NREP: variants seen among roughly 807,000 people sequenced by gnomAD.
The protein encoded by NREP is neuronal regeneration related protein.
NREP carries 5 observed loss-of-function variants against 8.6 expected under a neutral mutation model. That is an observed-to-expected ratio of 0.58 (90% CI 0.30 to 1.22). NREP has a LOEUF of 1.22. NREP is among the 50% of genes most tolerant of loss of function. The pLI is 0.07. For missense variants in NREP, 86 were observed against 82.5 expected (o/e 1.04, Z -0.17); for synonymous variants, 27 against 28.0 (o/e 0.96, Z 0.11).
chr5:111,757,646 C>T (rs1471017749), upstream of NREP: 7 of 982,928 alleles, frequency 7.1e-6, no homozygotes, highest in East Asian at 4.6e-4. Context: ...GCGCCCCGGG[C>T]GCCCCGCTCG....
chr5:111,843,470 A>G (rs1288705496), intron 2 of NREP, among the ~76,000 whole-genome samples: 1 of 151,876 alleles, frequency 6.6e-6, no homozygotes, highest in Non-Finnish European at 1.5e-5. Context: ...AGTTGTCTAT[A>G]TGTGTTCTCT....
At chr5:111,931,544 A>G (rs532884164) in intron 2 of NREP, among the ~76,000 whole-genome samples, 1 of 152,278 alleles carries the variant, frequency 6.6e-6, no homozygotes, top group East Asian at 1.9e-4. Flanking sequence ...TCTGACTACA[A>G]CATCATAAGA....
intron 2 of NREP, among the ~76,000 whole-genome samples, chr5:111,833,340 C>T (rs1050700319): frequency 1.3e-5 from 2 of 152,156 alleles, no homozygotes; most frequent in African/African-American, 2.4e-5. Flanking sequence ...TCTGACTTTA[C>T]CTAAACTGAT....
intron 2 of NREP, among the ~76,000 whole-genome samples, chr5:111,869,984 A>T (rs143022744): frequency 6.6e-6 from 1 of 152,276 alleles, no homozygotes; most frequent in East Asian, 1.9e-4. Context: ...TTCAGCATAG[A>T]TAGTGTTATA....
At chr5:111,820,746 T>C (rs978601159) in intron 2 of NREP, among the ~76,000 whole-genome samples, 2 of 152,162 alleles carry the variant, frequency 1.3e-5, no homozygotes, top group African/African-American at 4.8e-5. Flanking sequence ...TTACAAAGCT[T>C]AATTTGTAGC....
At chr5:111,868,901 G>A (rs946606632) in intron 2 of NREP, among the ~76,000 whole-genome samples, 1 of 152,004 alleles carries the variant, frequency 6.6e-6, no homozygotes, top group Non-Finnish European at 1.5e-5. Context: ...CTATTCCTAA[G>A]GATTTAGCAA....
intron 2 of NREP, among the ~76,000 whole-genome samples, chr5:111,885,705 A>G (rs2112524248): frequency 6.6e-6 from 1 of 152,350 alleles, no homozygotes; most frequent in Admixed American, 6.5e-5. Flanking sequence ...AAACCTGACA[A>G]AAACAAGCAA....
At chr5:111,849,633 T>C (rs1231330113) in intron 2 of NREP, among the ~76,000 whole-genome samples, 1 of 152,138 alleles carries the variant, frequency 6.6e-6, no homozygotes. Context: ...GGGATATTTT[T>C]TGAATTATTA....
intron 2 of NREP, among the ~76,000 whole-genome samples, chr5:111,859,776 G>T (rs1364499924): frequency 1.3e-5 from 2 of 152,020 alleles, no homozygotes; most frequent in African/African-American, 4.8e-5. Context: ...AACTTTATCT[G>T]TCCAGTCTTT....
chr5:111,757,649 C>T (rs1207394678), upstream of NREP: 8 of 983,010 alleles, frequency 8.1e-6, no homozygotes, highest in East Asian at 4.6e-4. Flanking sequence ...CCCCGGGCGC[C>T]CCGCTCGCCG....
chr5:111,757,596 G>A (rs948410767), upstream of NREP: 72 of 983,780 alleles, frequency 7.3e-5, no homozygotes, highest in Non-Finnish European at 7.8e-5. Context: ...CCCCGTCGGC[G>A]AGCGGCCAAC....
chr5:111,741,832 C>CACACACAG, intron 2 of NREP, among the ~76,000 whole-genome samples: 1 of 16,036 alleles, frequency 6.2e-5, no homozygotes, highest in East Asian at 1.4e-3. Flanking sequence ...CATACACACA[C>CACACACAG]ACACACACAC....
At chr5:111,737,959 T>C (rs946252628) in intron 2 of NREP, among the ~76,000 whole-genome samples, 5 of 152,170 alleles carry the variant, frequency 3.3e-5, no homozygotes, top group African/African-American at 9.7e-5. Flanking sequence ...GAACGTTGCT[T>C]TGGCCTTCTG....
chr5:111,807,827 C>T (rs1301763822), intron 2 of NREP, among the ~76,000 whole-genome samples: 4 of 152,106 alleles, frequency 2.6e-5, no homozygotes, highest in Admixed American at 2.6e-4. Flanking sequence ...ATAAAATTTC[C>T]ACAGAAAATG....
chr5:111,964,883 A>T lies in NREP; in HGVS notation c.135+10391T>A, dbSNP rs865849796. ...AAAAAAAAAAAAAAAAAAAAAAAAAAAAAAAAAAAAAAGAAACCATGTAAT... is the reference window on the plus strand; with the variant it reads ...AAAAAAAAAAAAAAAAAAAAAAAAATAAAAAAAAAAAAGAAACCATGTAAT... On this transcript the variant is annotated intron_variant, in intron 2 of 3. Coordinates refer to the NREP transcript ENST00000395634. Among the ~76,000 whole-genome samples the T allele has an allele frequency of 6.1e-3, 852 of 139,348 alleles. 13 individuals are homozygous for T. Among genetic ancestry groups the T allele is most frequent in the Non-Finnish European group, 8.1e-3 (536 of 66,514 alleles). The allele number at this position is 139,348 out of a possible 152,430, so 91.4% of individuals were successfully genotyped here. A position where few individuals can be genotyped will look rare whatever the true frequency, so the allele number is the denominator to read the frequency against.
At chr5:111,961,580 T>C (rs1444318191) in intron 2 of NREP, among the ~76,000 whole-genome samples, 1 of 152,238 alleles carries the variant, frequency 6.6e-6, no homozygotes, top group African/African-American at 2.4e-5. Context: ...TATGGTATTT[T>C]AGGATTATAA....
chr5:111,787,285 A>T (rs1167343335), intron 2 of NREP, among the ~76,000 whole-genome samples: 1 of 152,216 alleles, frequency 6.6e-6, no homozygotes, highest in East Asian at 1.9e-4. Flanking sequence ...AATGCCCAGT[A>T]GTTTGAAAGA....
intron 2 of NREP, among the ~76,000 whole-genome samples, chr5:111,940,870 G>A (rs965116955): frequency 6.6e-6 from 1 of 152,046 alleles, no homozygotes; most frequent in Non-Finnish European, 1.5e-5. Flanking sequence ...ATAGTACAGT[G>A]AAAGGATACA....
At chr5:111,949,871 A>C (rs1026480180) in intron 2 of NREP, among the ~76,000 whole-genome samples, 1 of 152,080 alleles carries the variant, frequency 6.6e-6, no homozygotes, top group African/African-American at 2.4e-5. Flanking sequence ...GCTATTCTAA[A>C]TAGTGCTGAA....
Sources: gnomAD v4.1 joint callset for allele counts (sites outside exome capture counted in the v4.1 genomes callset) on GRCh38, gnomAD v4.1.1 for gene constraint, MANE v1.5 for transcripts, NCBI Gene and HGNC (gene_info 2026-07-23, HGNC 2026-07-21) for gene names.